Variants in SLC12A9 observed in about 807,000 individuals in gnomAD.
The protein encoded by SLC12A9 is CCC-interacting protein 1.
SLC12A9 carries 55 observed loss-of-function variants against 66.0 expected under a neutral mutation model. That is an observed-to-expected ratio of 0.83 (90% CI 0.67 to 1.04). SLC12A9 has a LOEUF of 1.04. Among genes scored for constraint, SLC12A9 ranks in the 50% least tolerant of loss-of-function variants. The pLI, the probability that SLC12A9 is intolerant of heterozygous loss-of-function variation, is 0.00. For synonymous variants in SLC12A9, 577 were observed against 569.0 expected (o/e 1.01, Z -0.20); for missense variants, 1,061 against 1,241.9 (o/e 0.85, Z 2.19).
At chr7:100,859,222 G>A in intron 7 of SLC12A9, 61 bp downstream of exon 7, 1 of 1,471,090 alleles carries the variant, frequency 6.8e-7, no homozygotes, top group South Asian at 1.2e-5. Context: ...GGTCACCAAG[G>A]GGAAACACAG....
rs34098933 is a variant in SLC12A9 at position 100,863,373 on chromosome 7, C to CTT, written c.1858+554_1858+555dup. Among the ~76,000 whole-genome samples, 99 of 151,300 alleles carry CTT rather than the reference C, an allele frequency of 6.5e-4. 1 individual carries two copies. In the East Asian group the frequency reaches 7.6e-3, roughly 12 times the overall value. The stretch of plus-strand genomic sequence containing the variant: ...GTACCACTGTGCCCAGCCTTTCCTT[C>CTT]TTTTTTTTTCTGATCCAAAAATTGG... On this transcript the variant is annotated intron_variant, in intron 13 of 13. Coordinates refer to ENST00000354161, the MANE Select transcript of SLC12A9 (RefSeq NM_020246.4).
chr7:100,828,462 CG>C (rs1342555964), intron 1 of SLC12A9, among the ~76,000 whole-genome samples: 1 of 144,650 alleles, frequency 6.9e-6, no homozygotes, highest in African/African-American at 2.6e-5. Flanking sequence ...TTGCTTGAAC[CG>C]GGACCTAGGA....
At chr7:100,860,748 A>G (rs562010829) in intron 9 of SLC12A9, 1 of 387,640 alleles carries the variant, frequency 2.6e-6, no homozygotes, top group African/African-American at 2.1e-5. Flanking sequence ...TTTGGGGTGC[A>G]CTGGCACTCT....
chr7:100,826,997 A>G lies in SLC12A9; in HGVS notation n.178A>G, dbSNP rs1813422984. 4 of 1,575,954 alleles carry G rather than the reference A, an allele frequency of 2.5e-6. No homozygotes were observed. The East Asian group carries it at 7.2e-5, about 28-fold the overall frequency. ...AACTCACCTTCCAAAGCTGCGGCCA[A>G]CGAAGCCCAGCAGAGCAGCACCCGG... On this transcript the variant is annotated non_coding_transcript_exon_variant, in exon 1 of 2. Transcript: ENST00000461016.
At chr7:100,846,905 C>T (rs1052126698) in intron 1 of SLC12A9, among the ~76,000 whole-genome samples, 11 of 152,168 alleles carry the variant, frequency 7.2e-5, no homozygotes, top group Non-Finnish European at 1.2e-4. Context: ...AGATTATAGA[C>T]ATTGTATAGA....
At chr7:100,864,180 G>T (rs575241815) in intron 13 of SLC12A9, among the ~76,000 whole-genome samples, 1 of 149,182 alleles carries the variant, frequency 6.7e-6, no homozygotes, top group Admixed American at 6.8e-5. Context: ...CCGGGTTCAA[G>T]TATTCTCCCA....
In SLC12A9 at chr7:100,865,974, C is replaced by A; in HGVS notation, c.2114C>A (p.Ala705Asp). 6.2e-7 allele frequency: 1 copy of A among 1,613,002 alleles called. No individual in the cohort carries two copies. The highest frequency in any genetic ancestry group is 8.5e-7 in the Non-Finnish European group (1 of 1,179,888). ...GTGGTGCTGGCCCGGGCCAGCGGGG[C>A]CTTGCCCCCTGAGCGGCTGAGCCGG... ...KNVVLARASGALPPERLSRGS... is the reference protein window; with the variant it reads ...KNVVLARASGDLPPERLSRGS... The change falls in exon 14 of 14, where the codon GCC becomes GAC. Residue 705 changes from alanine (A) to aspartate (D), a missense_variant. Physicochemically the swap from Ala to Asp is moderately radical, Grantham distance 126 (BLOSUM62 -2). Coordinates refer to ENST00000354161, the MANE Select transcript of SLC12A9 (RefSeq NM_020246.4).
In SLC12A9 at chr7:100,860,091, GTC is replaced by G. The variant is rs771103559; in HGVS notation, c.1135+54_1136-53del. On this transcript the variant is annotated intron_variant, in intron 8 of 13. Coordinates refer to ENST00000354161, the MANE Select transcript of SLC12A9 (RefSeq NM_020246.4). The stretch of plus-strand genomic sequence containing the variant: ...GCTTGGAGCACGCCCTCCCTTGTCT[GTC>G]TCTCCGTCCCCGCTGAGCCCTGGCT... 123 of 1,614,146 alleles carry G rather than the reference GTC, an allele frequency of 7.6e-5. 2 individuals carry two copies. In the South Asian group the frequency reaches 1.3e-3, roughly 18 times the overall value.
At chr7:100,846,985 G>A (rs1004061655) in intron 1 of SLC12A9, among the ~76,000 whole-genome samples, 2 of 151,796 alleles carry the variant, frequency 1.3e-5, no homozygotes, top group South Asian at 2.1e-4. Context: ...CCCCAGTCAC[G>A]TACCCCCTGC....
chr7:100,835,748 C>T (rs1584676788), intron 1 of SLC12A9, among the ~76,000 whole-genome samples: 1 of 152,346 alleles, frequency 6.6e-6, no homozygotes, highest in East Asian at 1.9e-4. Flanking sequence ...GCTCCCCTCC[C>T]TAGTGCTGGG....
In SLC12A9 at chr7:100,861,410, C is replaced by T. The variant is rs769871355; in HGVS notation, c.1362C>T (p.Phe454=). 1 of 1,613,784 alleles carries T rather than the reference C, an allele frequency of 6.2e-7. No individual in the cohort carries two copies. Among genetic ancestry groups the T allele is most frequent in the Non-Finnish European group, 8.5e-7 (1 of 1,179,998 alleles). Reference sequence around the variant, plus strand: ...CCCGCAGCCCCACCTTCAGCCTGTTCTCCTGGCACACCTGCCTGCTGGGGG... The same window carrying T: ...CCCGCAGCCCCACCTTCAGCCTGTTTTCCTGGCACACCTGCCTGCTGGGGG... ...APNFRPTFSL[F]SWHTCLLGVA... The change falls in exon 11 of 14, where the codon TTC becomes TTT. Residue 454 remains phenylalanine (F), a synonymous_variant. Coordinates refer to ENST00000354161, the MANE Select transcript of SLC12A9 (RefSeq NM_020246.4). The surrounding 1 kb of genome is among the most constrained non-coding windows in gnomAD (Gnocchi z 5.3).
intron 8 of SLC12A9, 51 bp from the exon 9 acceptor site, chr7:100,860,099 G>A (rs771700339): frequency 1.1e-5 from 18 of 1,614,124 alleles, no homozygotes; most frequent in African/African-American, 4.0e-5. Flanking sequence ...CTGTCTCTCC[G>A]TCCCCGCTGA....
chr7:100,834,383 G>C (rs963724235), intron 1 of SLC12A9, among the ~76,000 whole-genome samples: 4 of 152,196 alleles, frequency 2.6e-5, no homozygotes, highest in Non-Finnish European at 5.9e-5. Context: ...AAGGGTTTTA[G>C]GCCAAGAAGC....
intron 1 of SLC12A9, among the ~76,000 whole-genome samples, chr7:100,827,871 C>G (rs1405724426): frequency 6.6e-6 from 1 of 152,224 alleles, no homozygotes. Flanking sequence ...ACACACCCAG[C>G]AGCAACACGG....
At chr7:100,833,719 A>G (rs1490664686) in intron 1 of SLC12A9, among the ~76,000 whole-genome samples, 2 of 151,840 alleles carry the variant, frequency 1.3e-5, no homozygotes, top group African/African-American at 4.8e-5. Context: ...CGGATCACGA[A>G]GTCAGGAGAT....
chr7:100,863,424 T>C (rs1814885436), intron 13 of SLC12A9, among the ~76,000 whole-genome samples: 1 of 152,182 alleles, frequency 6.6e-6, no homozygotes, highest in Admixed American at 6.5e-5. Context: ...GAGTGTATTT[T>C]TGGAGACAAT....
intron 1 of SLC12A9, among the ~76,000 whole-genome samples, chr7:100,846,505 G>C (rs539579937): frequency 7.9e-5 from 12 of 152,030 alleles, no homozygotes; most frequent in African/African-American, 2.9e-4. Context: ...AGGCGGAGCT[G>C]GCAGTGAGCC....
chr7:100,838,806 C>G (rs183987997), intron 1 of SLC12A9, among the ~76,000 whole-genome samples: 1 of 152,150 alleles, frequency 6.6e-6, no homozygotes, highest in African/African-American at 2.4e-5. Context: ...GCAGACAGCC[C>G]GGTGCCATAA....
intron 1 of SLC12A9, among the ~76,000 whole-genome samples, chr7:100,843,627 C>T (rs1268138355): frequency 6.6e-6 from 1 of 152,232 alleles, no homozygotes; most frequent in Non-Finnish European, 1.5e-5. Flanking sequence ...AGGGCCCTAG[C>T]AGCAATGGCC....
Sources: gnomAD v4.1 joint callset for allele counts (sites outside exome capture counted in the v4.1 genomes callset) on GRCh38, gnomAD v4.1.1 for gene constraint, Gnocchi (gnomAD v3.1) non-coding constraint, MANE v1.5 for transcripts, NCBI Gene and HGNC (gene_info 2026-07-23, HGNC 2026-07-21) for gene names.